MACROD2: variants seen among roughly 807,000 people sequenced by gnomAD.
MACROD2 encodes mono-ADP ribosylhydrolase 2.
A neutral mutation model predicts 70.4 loss-of-function variants in MACROD2; 36 were observed. That is an observed-to-expected ratio of 0.51 (90% CI 0.39 to 0.68). MACROD2 has a LOEUF of 0.68. MACROD2 is among the 30% of genes least tolerant of loss of function. The probability of loss-of-function intolerance (pLI) is 0.00; values close to 1 mark genes in which losing one functional copy is unlikely to be tolerated. For missense variants in MACROD2, 496 were observed against 538.4 expected, an observed-to-expected ratio of 0.92 and a Z score of 0.78; for synonymous variants, 172 against 178.8, an observed-to-expected ratio of 0.96 and a Z score of 0.30.
At chr20:14,667,287 A>T (rs1283683647) in intron 4 of MACROD2, among the ~76,000 whole-genome samples, 1 of 152,072 alleles carries the variant, frequency 6.6e-6, no homozygotes, top group African/African-American at 2.4e-5. Flanking sequence ...ATAAATCTTG[A>T]TGTCTCCTAA....
intron 8 of MACROD2, among the ~76,000 whole-genome samples, chr20:15,814,949 T>G (rs1025886695): frequency 6.6e-6 from 1 of 151,000 alleles, no homozygotes; most frequent in Non-Finnish European, 1.5e-5. Flanking sequence ...CTTTTAATTA[T>G]GTCCAGAAGA....
intron 6 of MACROD2, among the ~76,000 whole-genome samples, chr20:15,257,004 T>G (rs1171077326): frequency 6.6e-6 from 1 of 152,066 alleles, no homozygotes; most frequent in Non-Finnish European, 1.5e-5. Flanking sequence ...TATTGTCAGA[T>G]TACCAGCTTT....
At chr20:16,037,828 C>T (rs1349466311) in intron 15 of MACROD2, among the ~76,000 whole-genome samples, 1 of 151,802 alleles carries the variant, frequency 6.6e-6, no homozygotes. Context: ...TTTCCTCTCC[C>T]TTAGCATGTT....
chr20:14,718,957 G>T (rs909840765), intron 5 of MACROD2, among the ~76,000 whole-genome samples: 1 of 152,084 alleles, frequency 6.6e-6, no homozygotes, highest in Non-Finnish European at 1.5e-5. Flanking sequence ...TAGTCAGCCG[G>T]GTGTGGTGGC....
chr20:15,584,455 A>G (rs1347849849), intron 8 of MACROD2, among the ~76,000 whole-genome samples: 1 of 152,242 alleles, frequency 6.6e-6, no homozygotes, highest in East Asian at 1.9e-4. Context: ...AAAAAATGAG[A>G]TGTAATCTCA....
chr20:15,859,084 A>T (rs1042572185), intron 8 of MACROD2, among the ~76,000 whole-genome samples: 5 of 152,210 alleles, frequency 3.3e-5, no homozygotes, highest in African/African-American at 1.2e-4. Flanking sequence ...TCTTACAATA[A>T]AGTAAGTTAG....
chr20:15,330,630 GA>G (rs113534493), intron 6 of MACROD2, among the ~76,000 whole-genome samples: 8 of 150,564 alleles, frequency 5.3e-5, no homozygotes, highest in South Asian at 2.1e-4. Context: ...ATCACAGCAA[GA>G]AAAAAAAATG....
chr20:15,211,829 T>C (rs1398415912), intron 5 of MACROD2, among the ~76,000 whole-genome samples: 1 of 152,216 alleles, frequency 6.6e-6, no homozygotes, highest in Non-Finnish European at 1.5e-5. Context: ...CAGCTATGAA[T>C]ATTTGCATAT....
intron 5 of MACROD2, among the ~76,000 whole-genome samples, chr20:14,973,872 G>T (rs1006804769): frequency 6.6e-6 from 1 of 152,126 alleles, no homozygotes; most frequent in Non-Finnish European, 1.5e-5. Context: ...AGAATAGAAA[G>T]TGTCAGTTAC....
chr20:15,500,997 T>C (rs183485003), intron 8 of MACROD2, among the ~76,000 whole-genome samples: 1 of 152,186 alleles, frequency 6.6e-6, no homozygotes, highest in African/African-American at 2.4e-5. Context: ...ACAACAACCT[T>C]ATGAAATCTC....
At chr20:14,173,413 CTTTCTGGTGTGTTTTGCA>C (rs2081239150) in intron 3 of MACROD2, among the ~76,000 whole-genome samples, 1 of 152,060 alleles carries the variant, frequency 6.6e-6, no homozygotes, top group South Asian at 2.1e-4. Context: ...ATTGATGAGA[CTTTCTGGTGTGTTTTGCA>C]TTTCTCTAAG....
At chr20:14,633,760 C>T (rs1338504370) in intron 4 of MACROD2, among the ~76,000 whole-genome samples, 3 of 152,146 alleles carry the variant, frequency 2.0e-5, no homozygotes, top group African/African-American at 7.2e-5. Flanking sequence ...ATACTTAAAA[C>T]ATCACCAGAC....
chr20:14,338,232 A>C (rs2082972640), intron 3 of MACROD2, among the ~76,000 whole-genome samples: 1 of 152,152 alleles, frequency 6.6e-6, no homozygotes, highest in Non-Finnish European at 1.5e-5. Context: ...AGAAAAAATT[A>C]GCTGGGCGCC....
At chr20:14,635,719 T>C (rs1176301485) in intron 4 of MACROD2, among the ~76,000 whole-genome samples, 1 of 152,242 alleles carries the variant, frequency 6.6e-6, no homozygotes, top group Non-Finnish European at 1.5e-5. Flanking sequence ...TCTCATATCA[T>C]ACTCTTGAGT....
intron 8 of MACROD2, among the ~76,000 whole-genome samples, chr20:15,764,857 G>A (rs2051496064): frequency 6.6e-6 from 1 of 152,094 alleles, no homozygotes. Context: ...CTCAGCCTAC[G>A]ATGACCTTTA....
Position 15,764,484 on chromosome 20 carries a change from G to A in MACROD2, c.646-98261G>A, listed in dbSNP as rs150737830. Among the ~76,000 whole-genome samples the A allele has an allele frequency of 5.5e-3, 837 of 152,044 alleles. 2 individuals carry two copies. The highest frequency in any genetic ancestry group is 0.014 in the Middle Eastern group (4 of 294). On this transcript the variant is annotated intron_variant, in intron 8 of 17. Transcript: ENST00000684519. ...AAACCTGTTTTGCCCAGCCTTTCCC[G>A]CCATCATAAATGGCCTCACCATTCA...
At chr20:14,848,860 T>G (rs2073170007) in intron 5 of MACROD2, among the ~76,000 whole-genome samples, 1 of 152,162 alleles carries the variant, frequency 6.6e-6, no homozygotes, top group Admixed American at 6.5e-5. Context: ...CCTGAGGTTG[T>G]GCCGTCTAAT....
chr20:15,448,609 A>G (rs931215234), intron 7 of MACROD2, among the ~76,000 whole-genome samples: 1 of 152,188 alleles, frequency 6.6e-6, no homozygotes, highest in Non-Finnish European at 1.5e-5. Flanking sequence ...CCTGTAAAAA[A>G]AGAAGCACTA....
intron 8 of MACROD2, among the ~76,000 whole-genome samples, chr20:15,593,933 G>A (rs6110689): frequency 6.6e-6 from 1 of 152,190 alleles, no homozygotes; most frequent in East Asian, 1.9e-4. Context: ...CCATGTACAA[G>A]GTCTTTGGTG....
Sources: allele counts gnomAD v4.1 joint callset (sites outside exome capture counted in the v4.1 genomes callset), GRCh38; gene constraint gnomAD v4.1.1; transcripts MANE v1.5; gene names NCBI Gene and HGNC (gene_info 2026-07-23, HGNC 2026-07-21).